Variants in TBC1D8 observed in about 807,000 individuals in gnomAD.
The protein encoded by TBC1D8 is BUB2-like protein 1.
TBC1D8 carries 65 observed loss-of-function variants against 118.8 expected under a neutral mutation model. The ratio of observed to expected loss-of-function variants is 0.55; its 90% CI spans 0.45 to 0.67. The LOEUF (loss-of-function observed/expected upper bound fraction) is 0.67, where lower values mean the gene tolerates loss of function less well. Ranked by LOEUF, TBC1D8 falls within the 30% of genes least tolerant of loss-of-function variation. TBC1D8 has a pLI of 0.00. For missense variants in TBC1D8, 1,376 were observed against 1,471.2 expected (o/e 0.94, Z 1.06); for synonymous variants, 566 against 595.8 (o/e 0.95, Z 0.73).
chr2:101,036,289 G>T, intron 8 of TBC1D8, 121 bp from the exon 9 acceptor site: 1 of 1,117,416 alleles, frequency 8.9e-7, no homozygotes, highest in Non-Finnish European at 1.3e-6. Context: ...AACAGCAACG[G>T]GCAAGGACAC....
intron 2 of TBC1D8, among the ~76,000 whole-genome samples, chr2:101,079,621 C>T (rs1262905189): frequency 6.6e-6 from 1 of 151,102 alleles, no homozygotes; most frequent in African/African-American, 2.4e-5. Flanking sequence ...AGTGACCCTT[C>T]CACCTCAGCC....
chr2:101,136,676 C>A (rs1678865512), intron 1 of TBC1D8, among the ~76,000 whole-genome samples: 1 of 152,158 alleles, frequency 6.6e-6, no homozygotes, highest in Admixed American at 6.5e-5. Flanking sequence ...TGCATACATA[C>A]AATTTTGGGA....
intron 1 of TBC1D8, among the ~76,000 whole-genome samples, chr2:101,092,485 C>T (rs1676106238): frequency 6.6e-6 from 1 of 152,142 alleles, no homozygotes; most frequent in African/African-American, 2.4e-5. Context: ...ATTCTGAAGC[C>T]ATGCAAATTT....
chr2:101,092,487 T>C (rs763711178), intron 1 of TBC1D8, among the ~76,000 whole-genome samples: 2 of 152,210 alleles, frequency 1.3e-5, no homozygotes, highest in Non-Finnish European at 2.9e-5. Context: ...TCTGAAGCCA[T>C]GCAAATTTCC....
intron 10 of TBC1D8, 142 bp from the exon 11 acceptor site, chr2:101,032,527 G>T: frequency 1.5e-6 from 1 of 645,916 alleles, no homozygotes; most frequent in Non-Finnish European, 2.7e-6. Context: ...CACTGACACT[G>T]TACAGTGGAA....
At chr2:101,104,715 A>G (rs1677082587) in intron 1 of TBC1D8, among the ~76,000 whole-genome samples, 1 of 152,210 alleles carries the variant, frequency 6.6e-6, no homozygotes, top group South Asian at 2.1e-4. Flanking sequence ...ACAGAAAACT[A>G]TAAAACTTCT....
intron 12 of TBC1D8, 60 bp from the exon 13 acceptor site, chr2:101,028,492 C>G: frequency 1.3e-6 from 2 of 1,507,588 alleles, no homozygotes; most frequent in Non-Finnish European, 1.8e-6. Context: ...ACAACACGGG[C>G]TGCCTTCACA....
intron 15 of TBC1D8, among the ~76,000 whole-genome samples, chr2:101,024,952 TA>T (rs1432887909): frequency 6.6e-6 from 1 of 152,058 alleles, no homozygotes; most frequent in Non-Finnish European, 1.5e-5. Flanking sequence ...CTGCAATCAC[TA>T]AAAAAGTATG....
intron 3 of TBC1D8, among the ~76,000 whole-genome samples, chr2:101,055,234 T>C (rs1682351171): frequency 6.6e-6 from 1 of 151,642 alleles, no homozygotes; most frequent in African/African-American, 2.4e-5. Context: ...TACTAAAAAA[T>C]ACAAAAATTA....
intron 17 of TBC1D8, chr2:101,019,277 A>AG: frequency 2.4e-6 from 1 of 413,502 alleles, no homozygotes; most frequent in Non-Finnish European, 4.3e-6. Context: ...TTAGGCACAC[A>AG]AATTCACATT....
intron 1 of TBC1D8, among the ~76,000 whole-genome samples, chr2:101,104,872 G>C (rs1483915015): frequency 5.9e-5 from 9 of 151,886 alleles, no homozygotes; most frequent in Non-Finnish European, 1.2e-4. Flanking sequence ...AAATTAGCCG[G>C]GCATGGTGGC....
intron 1 of TBC1D8, among the ~76,000 whole-genome samples, chr2:101,121,844 T>A (rs1441188653): frequency 9.2e-5 from 14 of 152,088 alleles, no homozygotes; most frequent in African/African-American, 2.4e-5. Flanking sequence ...GGCAGGCGGA[T>A]CACCTGAGGT....
At chr2:101,112,110 C>T (rs1221245437) in intron 1 of TBC1D8, among the ~76,000 whole-genome samples, 1 of 152,162 alleles carries the variant, frequency 6.6e-6, no homozygotes, top group Non-Finnish European at 1.5e-5. Context: ...ATAAATAACC[C>T]CTGGATGGGG....
At chr2:101,071,507 T>C (rs1012059560) in intron 2 of TBC1D8, among the ~76,000 whole-genome samples, 1 of 152,264 alleles carries the variant, frequency 6.6e-6, no homozygotes, top group African/African-American at 2.4e-5. Flanking sequence ...TAAGTAAATG[T>C]AAAGCTTTGG....
intron 1 of TBC1D8, among the ~76,000 whole-genome samples, chr2:101,105,705 C>CA (rs1473035646): frequency 6.7e-6 from 1 of 149,972 alleles, no homozygotes; most frequent in Non-Finnish European, 1.5e-5. Flanking sequence ...GGCTAAAATC[C>CA]AAAAAACTGA....
chr2:101,119,643 T>A (rs1360869981), intron 1 of TBC1D8, among the ~76,000 whole-genome samples: 1 of 152,252 alleles, frequency 6.6e-6, no homozygotes, highest in Non-Finnish European at 1.5e-5. Context: ...GGATCCTCCA[T>A]GACTCACTGT....
chr2:101,023,076 C>G (rs1048098661), intron 15 of TBC1D8, among the ~76,000 whole-genome samples: 1 of 151,588 alleles, frequency 6.6e-6, no homozygotes, highest in East Asian at 2.0e-4. Flanking sequence ...ACTCCGGAGG[C>G]GGAGGTTGCA....
In TBC1D8 at chr2:101,021,664, T is replaced by C; in HGVS notation, c.2827+17A>G. ...GAAGCAGAGCACAGTCTGATTTTGC[T>C]ACTTGGACTTTCTTACCTGGAGGGA... On this transcript the variant is annotated intron_variant, in intron 17 of 19. Transcript: ENST00000409318. 3 of 1,565,434 alleles carry C rather than the reference T, an allele frequency of 1.9e-6. No individual in the cohort carries two copies. Among genetic ancestry groups the C allele is most frequent in the Non-Finnish European group, 2.6e-6 (3 of 1,139,950 alleles).
intron 17 of TBC1D8, among the ~76,000 whole-genome samples, chr2:101,016,584 A>G (rs1462621154): frequency 6.6e-6 from 1 of 152,162 alleles, no homozygotes; most frequent in African/African-American, 2.4e-5. Context: ...GTATACACCC[A>G]AAGGACTATA....
Sources: allele counts gnomAD v4.1 joint callset (sites outside exome capture counted in the v4.1 genomes callset), GRCh38; gene constraint gnomAD v4.1.1; transcripts MANE v1.5; gene names NCBI Gene and HGNC (gene_info 2026-07-23, HGNC 2026-07-21).